The following TCF7 variants were observed in gnomAD, a reference collection of about 807,000 sequenced individuals.
The protein encoded by TCF7 is T-cell-factor-7.
Under a neutral mutation model 46.8 loss-of-function variants are expected in TCF7, and 19 were observed. That is an observed-to-expected ratio of 0.41 (90% CI 0.28 to 0.60). The LOEUF is 0.60. TCF7 is among the 20% of genes least tolerant of loss of function. TCF7 has a pLI of 0.35. For missense variants in TCF7, 547 were observed against 504.6 expected, an observed-to-expected ratio of 1.08 and a Z score of -0.81; for synonymous variants, 245 against 213.4, an observed-to-expected ratio of 1.15 and a Z score of -1.29.
At position 134,143,821 on chromosome 5, in the gene TCF7, T is replaced by C; in HGVS notation, c.1075+181T>C. Reference sequence around the variant, plus strand: ...TCCCATGCAAGAAACAGCTATATTATACTAAGTCCCAGGGAAACCCAGCAG... The same window carrying C: ...TCCCATGCAAGAAACAGCTATATTACACTAAGTCCCAGGGAAACCCAGCAG... On this transcript the variant is annotated intron_variant, in intron 9 of 9. Coordinates refer to ENST00000342854, the MANE Select transcript of TCF7 (RefSeq NM_003202.5). The C allele has an allele frequency of 7.7e-6, 5 of 650,752 alleles. 1 individual carries two copies. In the South Asian group the frequency reaches 9.8e-5, roughly 13 times the overall value. The allele number at this position is 650,752 out of a possible 1,614,324, so 40.3% of individuals were successfully genotyped here. A position where few individuals can be genotyped will look rare whatever the true frequency, so the allele number is the denominator to read the frequency against.
chr5:134,145,013 A>T (rs1214954841), intron 9 of TCF7: 35 of 712,230 alleles, frequency 4.9e-5, no homozygotes, highest in Non-Finnish European at 8.6e-5. Context: ...GCCTCCTGAG[A>T]ATAGTAGTAA....
Position 134,147,140 on chromosome 5 carries a change from G to A in TCF7, c.*837G>A, listed in dbSNP as rs978766335. The A allele has an allele frequency of 6.5e-6, 1 of 152,996 alleles. No homozygotes were observed. Among genetic ancestry groups the A allele is most frequent in the Non-Finnish European group, 1.5e-5 (1 of 68,696 alleles). 9.5% of individuals were successfully genotyped at this position (152,996 alleles called of 1,614,324 possible). A position where few individuals can be genotyped will look rare whatever the true frequency, so the allele number is the denominator to read the frequency against. On this transcript the variant is annotated 3_prime_UTR_variant, in exon 10 of 10. Transcript: ENST00000342854. ...AGGGGAATGGAATAGGTTAAGTTTA[G>A]GCCTATCAACCTAAGCAACAGAAAT...
intron 9 of TCF7, 108 bp from the exon 10 acceptor site, chr5:134,146,116 A>T: frequency 6.2e-7 from 1 of 1,608,146 alleles, no homozygotes; most frequent in African/African-American, 1.3e-5. Flanking sequence ...TCCCAGGAAG[A>T]GAGGACAAGG....
At chr5:134,137,775 G>T (rs985713613) in intron 3 of TCF7, 1 of 296,602 alleles carries the variant, frequency 3.4e-6, no homozygotes, top group African/African-American at 2.2e-5. Flanking sequence ...AACCTGAGAT[G>T]AGGAGGCCAA....
chr5:134,143,200 GA>G, intron 8 of TCF7, 100 bp downstream of exon 8: 1 of 1,319,698 alleles, frequency 7.6e-7, no homozygotes, highest in Non-Finnish European at 1.1e-6. Flanking sequence ...CTACTGTCCT[GA>G]AGGCACCGAT....
chr5:134,140,352 T>C (rs73790182), intron 5 of TCF7, among the ~76,000 whole-genome samples: 3,235 of 152,148 alleles, frequency 0.021, 109 homozygotes, highest in African/African-American at 0.074. Context: ...TTAGGGACTG[T>C]AGGAGCCCAG....
At chr5:134,143,849 CTGGCTTCTGCTGGGTAGAAT>C in intron 9 of TCF7, 1 of 580,862 alleles carries the variant, frequency 1.7e-6, no homozygotes, top group South Asian at 2.1e-5. Flanking sequence ...CCCAGCAGAA[CTGGCTTCTGCTGGGTAGAAT>C]TGGAGTAGAT....
intron 9 of TCF7, chr5:134,145,864 C>CT: frequency 6.2e-7 from 1 of 1,600,650 alleles, no homozygotes; most frequent in Non-Finnish European, 8.5e-7. Flanking sequence ...ATTGCGGCCC[C>CT]TTGCCTTGGT....
chr5:134,138,231 A>G (rs1305351358), intron 4 of TCF7, 67 bp downstream of exon 4: 1 of 1,434,128 alleles, frequency 7.0e-7, no homozygotes, highest in Non-Finnish European at 9.8e-7. Context: ...CCAGCTTCTG[A>G]GACCAGGTAG....
At chr5:134,117,470 G>A (rs1185596476) in intron 3 of TCF7, among the ~76,000 whole-genome samples, 3 of 152,256 alleles carry the variant, frequency 2.0e-5, no homozygotes, top group East Asian at 1.9e-4. Context: ...TGGGGTCACC[G>A]TGGAACCATG....
At chr5:134,144,806 C>T (rs768845581) in intron 9 of TCF7, 47 of 1,614,040 alleles carry the variant, frequency 2.9e-5, no homozygotes, top group African/African-American at 9.3e-5. Flanking sequence ...GACCCTGGCT[C>T]GCCTAAGAAA....
chr5:134,145,500 C>A, intron 9 of TCF7: 1 of 581,268 alleles, frequency 1.7e-6, no homozygotes, highest in Non-Finnish European at 3.1e-6. Flanking sequence ...GTTTACCCAA[C>A]AAGTGGTTAA....
At chr5:134,127,031 G>C (rs572278688) in intron 3 of TCF7, among the ~76,000 whole-genome samples, 33 of 152,318 alleles carry the variant, frequency 2.2e-4, no homozygotes, top group Non-Finnish European at 3.1e-4. Flanking sequence ...TTTGAACTTT[G>C]GTCTGTTTTA....
intron 3 of TCF7, among the ~76,000 whole-genome samples, chr5:134,132,521 C>T (rs1234570787): frequency 6.6e-6 from 1 of 152,216 alleles, no homozygotes; most frequent in East Asian, 1.9e-4. Context: ...CCCCCACAGG[C>T]TTGAGGCCAG....
At chr5:134,113,162 C>A (rs1408875684), upstream of TCF7, among the ~76,000 whole-genome samples, 1 of 152,218 alleles carries the variant, frequency 6.6e-6, no homozygotes, top group African/African-American at 2.4e-5. Flanking sequence ...CGAGACTAAG[C>A]GGCAAGCCCA....
chr5:134,145,107 GA>G, intron 9 of TCF7: 1 of 644,108 alleles, frequency 1.6e-6, no homozygotes, highest in Non-Finnish European at 2.9e-6. Context: ...TTCCAGAAAG[GA>G]AGGACAGACT....
upstream of TCF7, among the ~76,000 whole-genome samples, chr5:134,112,945 C>T (rs1417611459): frequency 1.3e-5 from 2 of 152,128 alleles, no homozygotes; most frequent in Non-Finnish European, 2.9e-5. Flanking sequence ...CCAGGGTTCC[C>T]TACAAACACA....
intron 3 of TCF7, among the ~76,000 whole-genome samples, chr5:134,130,261 T>C (rs940604663): frequency 2.0e-5 from 3 of 152,122 alleles, no homozygotes; most frequent in Non-Finnish European, 4.4e-5. Context: ...CCCCAGGAAG[T>C]CGATTGTTGT....
intron 8 of TCF7, 98 bp from the exon 9 acceptor site, chr5:134,143,494 C>A: frequency 6.9e-7 from 1 of 1,451,228 alleles, no homozygotes; most frequent in Middle Eastern, 1.7e-4. Flanking sequence ...GGGGCCTGTA[C>A]GCCCAGAATC....
Sources: allele counts gnomAD v4.1 joint callset (sites outside exome capture counted in the v4.1 genomes callset), GRCh38; gene constraint gnomAD v4.1.1; transcripts MANE v1.5; gene names NCBI Gene and HGNC (gene_info 2026-07-23, HGNC 2026-07-21).